The following PIP5K1A variants were observed in gnomAD, a reference collection of about 807,000 sequenced individuals.
PIP5K1A encodes the protein phosphatidylinositol-4-phosphate 5-kinase type 1 alpha, also known as phosphatidylinositol 4-phosphate 5-kinase type-1 alpha.
Under a neutral mutation model 72.9 loss-of-function variants are expected in PIP5K1A, and 46 were observed. The observed-to-expected ratio is 0.63, with a 90% CI of 0.50 to 0.81. The LOEUF (loss-of-function observed/expected upper bound fraction) is 0.81. PIP5K1A is among the 30% of genes least tolerant of loss of function. The pLI, the probability that PIP5K1A is intolerant of heterozygous loss-of-function variation, is 0.00. For missense variants in PIP5K1A, 458 were observed against 706.1 expected, an observed-to-expected ratio of 0.65 and a Z score of 3.98; for synonymous variants, 228 against 255.1, an observed-to-expected ratio of 0.89 and a Z score of 1.01.
chr1:151,202,159 T>C (rs1039251281), intron 1 of PIP5K1A, among the ~76,000 whole-genome samples: 2 of 152,196 alleles, frequency 1.3e-5, no homozygotes, highest in Non-Finnish European at 2.9e-5. Context: ...AAGTTGTGAG[T>C]GGCTTATCAA....
At chr1:151,211,823 G>A (rs1236091076) in intron 1 of PIP5K1A, among the ~76,000 whole-genome samples, 1 of 149,932 alleles carries the variant, frequency 6.7e-6, no homozygotes, top group African/African-American at 2.5e-5. Flanking sequence ...AAAAAAAAAG[G>A]CCGGGTGCGG....
chr1:151,232,426 G>C (rs755778588), intron 6 of PIP5K1A, 61 bp downstream of exon 6: 195 of 1,489,118 alleles, frequency 1.3e-4, no homozygotes, highest in Non-Finnish European at 1.7e-4. Context: ...CCCAAAGGAA[G>C]GCCCCTTTTC....
chr1:151,229,182 A>C (rs1373774375), intron 4 of PIP5K1A, among the ~76,000 whole-genome samples: 1 of 149,336 alleles, frequency 6.7e-6, no homozygotes, highest in Non-Finnish European at 1.5e-5. Flanking sequence ...AAAAAAAAAA[A>C]AAAAAAAAAA....
intron 4 of PIP5K1A, among the ~76,000 whole-genome samples, chr1:151,228,149 T>A (rs1412333898): frequency 6.6e-6 from 1 of 151,996 alleles, no homozygotes; most frequent in Non-Finnish European, 1.5e-5. Context: ...CTTCCATTTT[T>A]TTTTTAGAGC....
chr1:151,245,451 C>T (rs1044324012), intron 14 of PIP5K1A, among the ~76,000 whole-genome samples: 2 of 152,084 alleles, frequency 1.3e-5, no homozygotes, highest in African/African-American at 2.4e-5. Flanking sequence ...CCAAGCCACC[C>T]CCAATGTTTT....
Position 151,240,055 on chromosome 1 carries a change from C to T in PIP5K1A, c.1363+16C>T, listed in dbSNP as rs748780355. 3.8e-6 allele frequency: 6 copies of T among 1,567,886 alleles called. No individual in the cohort carries two copies. Among genetic ancestry groups the T allele is most frequent in the Non-Finnish European group, 4.4e-6 (5 of 1,138,006 alleles). On this transcript the variant is annotated intron_variant, in intron 12 of 15. Transcript: ENST00000368888. ...AAGATTCCCTGTAAGTGGTTTCTAC[C>T]AATTGACTGCCTACTCCTGCCCAGT...
intron 5 of PIP5K1A, among the ~76,000 whole-genome samples, 182 bp from the exon 6 acceptor site, chr1:151,232,066 T>C (rs898288847): frequency 2.0e-5 from 3 of 152,164 alleles, no homozygotes; most frequent in South Asian, 2.1e-4. Context: ...CTTCTTCTTA[T>C]GTCTTGCTGT....
At chr1:151,198,435 G>GTA, upstream of PIP5K1A, 1 of 244,010 alleles carries the variant, frequency 4.1e-6, no homozygotes, top group Non-Finnish European at 8.3e-6. Flanking sequence ...GGACTCGTCA[G>GTA]GGCGTGAGGA....
At chr1:151,216,708 G>A (rs587756039) in intron 1 of PIP5K1A, among the ~76,000 whole-genome samples, 1 of 152,068 alleles carries the variant, frequency 6.6e-6, no homozygotes, top group South Asian at 2.1e-4. Context: ...GATAATAATT[G>A]CTAGAATTTA....
chr1:151,243,392 CAA>C (rs1571017018), intron 14 of PIP5K1A, among the ~76,000 whole-genome samples: 4 of 152,220 alleles, frequency 2.6e-5, no homozygotes, highest in South Asian at 2.1e-4. Context: ...CTTGTGGAAC[CAA>C]AGAGACAAGT....
rs115716021 is a variant in PIP5K1A at position 151,218,885 on chromosome 1, T to G, written c.86-5360T>G. On this transcript the variant is annotated intron_variant, in intron 1 of 15. Coordinates refer to ENST00000368888, the MANE Select transcript of PIP5K1A (RefSeq NM_001135638.2). ...AGATTATTCAGAAGAAAGTATTGAA[T>G]TAGGGATCATGAATTGAATGTGGGC... 1.2e-3 allele frequency among the ~76,000 whole-genome samples: 175 copies of G among 149,870 alleles called. 1 individual carries two copies. Among genetic ancestry groups the G allele is most frequent in the African/African-American group, 4.2e-3 (171 of 40,676 alleles).
At chr1:151,202,856 T>G (rs1685401263) in intron 1 of PIP5K1A, among the ~76,000 whole-genome samples, 1 of 151,686 alleles carries the variant, frequency 6.6e-6, no homozygotes, top group Admixed American at 6.6e-5. Context: ...CACTGCAGCC[T>G]CAGCCTCTAG....
At chr1:151,245,225 G>A (rs587722864) in intron 14 of PIP5K1A, among the ~76,000 whole-genome samples, 1 of 152,246 alleles carries the variant, frequency 6.6e-6, no homozygotes, top group Admixed American at 6.5e-5. Flanking sequence ...AATCTCCGTA[G>A]CTAGATTGTC....
At chr1:151,232,416 C>T in intron 6 of PIP5K1A, 51 bp downstream of exon 6, 6 of 1,499,980 alleles carry the variant, frequency 4.0e-6, no homozygotes, top group Non-Finnish European at 5.6e-6. Context: ...GAGGGATATT[C>T]CCAAAGGAAG....
At chr1:151,219,382 A>C (rs1047752970) in intron 1 of PIP5K1A, among the ~76,000 whole-genome samples, 22 of 127,998 alleles carry the variant, frequency 1.7e-4, no homozygotes, top group African/African-American at 7.1e-4. Flanking sequence ...CTCTCGTCTC[A>C]AAAAAAAAAA....
intron 1 of PIP5K1A, among the ~76,000 whole-genome samples, chr1:151,209,863 C>T (rs1040507984): frequency 2.6e-5 from 4 of 151,860 alleles, no homozygotes; most frequent in Admixed American, 6.6e-5. Context: ...TGAGTCACCA[C>T]GACTAGCCTG....
intron 10 of PIP5K1A, chr1:151,238,532 G>C: frequency 2.3e-6 from 1 of 425,656 alleles, no homozygotes; most frequent in Non-Finnish European, 4.3e-6. Flanking sequence ...CACCAGGGTA[G>C]AATATGCCAT....
chr1:151,236,094 C>T (rs1396575127), intron 8 of PIP5K1A, among the ~76,000 whole-genome samples: 1 of 147,656 alleles, frequency 6.8e-6, no homozygotes, highest in African/African-American at 2.5e-5. Flanking sequence ...GTACTCCAGC[C>T]TGGCGACAAA....
At chr1:151,209,673 A>T (rs1686503247) in intron 1 of PIP5K1A, among the ~76,000 whole-genome samples, 1 of 151,848 alleles carries the variant, frequency 6.6e-6, no homozygotes, top group Admixed American at 6.6e-5. Context: ...TCCTGACCTC[A>T]GGTGATCCGC....
Sources: gnomAD v4.1 joint callset for allele counts (sites outside exome capture counted in the v4.1 genomes callset) on GRCh38, gnomAD v4.1.1 for gene constraint, MANE v1.5 for transcripts, NCBI Gene and HGNC (gene_info 2026-07-23, HGNC 2026-07-21) for gene names.